SLC20A2: variants seen among roughly 807,000 people sequenced by gnomAD.
SLC20A2 encodes sodium-dependent phosphate transporter 2.
A neutral mutation model predicts 61.0 loss-of-function variants in SLC20A2; 30 were observed. That is an observed-to-expected ratio of 0.49 (90% CI 0.37 to 0.67). The LOEUF (loss-of-function observed/expected upper bound fraction) is 0.67. SLC20A2 is among the 30% of genes least tolerant of loss of function. SLC20A2 has a pLI of 0.00. For synonymous variants in SLC20A2, 351 were observed against 353.3 expected (o/e 0.99, Z 0.07); for missense variants, 626 against 866.4 (o/e 0.72, Z 3.48).
At chr8:42,520,327 C>G (rs1811570623) in intron 1 of SLC20A2, among the ~76,000 whole-genome samples, 1 of 151,476 alleles carries the variant, frequency 6.6e-6, no homozygotes, top group Non-Finnish European at 1.5e-5. Flanking sequence ...TTATGCCCAT[C>G]TTTATAAGTA....
At chr8:42,479,694 G>A (rs1014504163) in intron 1 of SLC20A2, among the ~76,000 whole-genome samples, 2 of 152,022 alleles carry the variant, frequency 1.3e-5, no homozygotes, top group African/African-American at 2.4e-5. Context: ...GCATGGCAGT[G>A]TGCATCTGTA....
chr8:42,431,717 G>A (rs899796216), intron 8 of SLC20A2, among the ~76,000 whole-genome samples: 1 of 152,184 alleles, frequency 6.6e-6, no homozygotes, highest in African/African-American at 2.4e-5. Context: ...AATGCAGCTG[G>A]TAACTTTAGT....
rs538403050 is a variant in SLC20A2 at position 42,541,662 on chromosome 8, G to A, written c.-265+159C>T. ...CCCGACTCCGGGGTAAAGAGCCCCGGAGCGGAGCAGCGCTGGCCGCGTGCC... is the reference window on the plus strand; with the variant it reads ...CCCGACTCCGGGGTAAAGAGCCCCGAAGCGGAGCAGCGCTGGCCGCGTGCC... On this transcript the variant is annotated intron_variant, in intron 1 of 10. Coordinates refer to the SLC20A2 transcript ENST00000342228. 2.0e-5 allele frequency: 3 copies of A among 150,004 alleles called. No individual in the cohort carries two copies. In the East Asian group the frequency reaches 5.9e-4, roughly 29 times the overall value. 9.3% of individuals were successfully genotyped at this position (150,004 alleles called of 1,614,324 possible).
At chr8:42,450,254 G>A (rs1297915761) in intron 5 of SLC20A2, among the ~76,000 whole-genome samples, 1 of 150,410 alleles carries the variant, frequency 6.6e-6, no homozygotes, top group Non-Finnish European at 1.5e-5. Context: ...TTGAGACTGA[G>A]TCTTACTGTA....
At chr8:42,459,266 A>T (rs1806513199) in intron 5 of SLC20A2, among the ~76,000 whole-genome samples, 1 of 151,782 alleles carries the variant, frequency 6.6e-6, no homozygotes, top group Admixed American at 6.6e-5. Flanking sequence ...AAAACATAAA[A>T]AATAACAACA....
At chr8:42,486,140 C>CTGTGTGTG (rs59925363) in intron 1 of SLC20A2, among the ~76,000 whole-genome samples, 2,935 of 149,002 alleles carry the variant, frequency 0.02, 86 homozygotes, top group African/African-American at 0.066. Flanking sequence ...AGCTCTCTCA[C>CTGTGTGTG]TGTGTGTGTG....
At chr8:42,463,263 T>C in intron 3 of SLC20A2, 173 bp from the exon 4 acceptor site, 1 of 496,022 alleles carries the variant, frequency 2.0e-6, no homozygotes, top group Non-Finnish European at 3.5e-6. Context: ...GAGCTGACCT[T>C]CACACATTTA....
chr8:42,469,541 C>T (rs893038698), intron 2 of SLC20A2, among the ~76,000 whole-genome samples: 8 of 152,196 alleles, frequency 5.3e-5, no homozygotes, highest in East Asian at 1.9e-4. Flanking sequence ...TTCTGTCACA[C>T]GGAGGTCTTC....
Position 42,471,255 on chromosome 8 carries a change from G to A in SLC20A2, c.289+847C>T, listed in dbSNP as rs78814412. The A allele has an allele frequency of 4.6e-4, 208 of 455,962 alleles. No homozygotes were observed. The East Asian group carries it at 6.6e-3, about 14-fold the overall frequency. 28.2% of individuals were successfully genotyped at this position (455,962 alleles called of 1,614,324 possible). A position where few individuals can be genotyped will look rare whatever the true frequency, so the allele number is the denominator to read the frequency against. Reference sequence around the variant, plus strand: ...CAGCTGCACTTAACACACGCCTGCCGGGAAGGTTCTTTTCTGTCGTAGCGA... The same window carrying A: ...CAGCTGCACTTAACACACGCCTGCCAGGAAGGTTCTTTTCTGTCGTAGCGA... On this transcript the variant is annotated intron_variant, in intron 2 of 10. Transcript: ENST00000520262.
rs949813850 is a variant in SLC20A2, at chr8:42,529,137, G to C, written c.-265+12684C>G. On this transcript the variant is annotated intron_variant, in intron 1 of 10. Coordinates refer to the SLC20A2 transcript ENST00000342228. The stretch of plus-strand genomic sequence containing the variant: ...CTACAGGCACATGCCACCACACCCA[G>C]CTAATTTTTTTCAAAGAGATGGAGT... Among the ~76,000 whole-genome samples, 4 of 152,062 alleles carry C rather than the reference G, an allele frequency of 2.6e-5. No individual in the cohort carries two copies. In the East Asian group the frequency reaches 7.8e-4, roughly 29 times the overall value.
chr8:42,455,997 AAGTATTTATATT>A (rs1312720754), intron 5 of SLC20A2, among the ~76,000 whole-genome samples: 8 of 152,158 alleles, frequency 5.3e-5, no homozygotes, highest in African/African-American at 7.2e-5. Flanking sequence ...CAACCCTATG[AAGTATTTATATT>A]AGTATTTATA....
At chr8:42,438,077 A>AAC (rs1804473909) in intron 7 of SLC20A2, among the ~76,000 whole-genome samples, 3 of 143,560 alleles carry the variant, frequency 2.1e-5, no homozygotes, top group African/African-American at 7.8e-5. Context: ...AAAAAAAAAA[A>AAC]AAAAAAAAAA....
Position 42,430,312 on chromosome 8 carries a change from G to A in SLC20A2, c.1524-63C>T, listed in dbSNP as rs372121072. On this transcript the variant is annotated intron_variant, in intron 8 of 10. Transcript: ENST00000520262. The stretch of plus-strand genomic sequence containing the variant: ...GCAAGCGGCAATGTACATGATACAG[G>A]TGACTTTGTTTTATTGTGCTTCACT... 295 of 1,393,528 alleles carry A rather than the reference G, an allele frequency of 2.1e-4. 1 individual carries two copies. In the Middle Eastern group the frequency reaches 3.0e-3, roughly 14 times the overall value. The allele number at this position is 1,393,528 out of a possible 1,614,324, so 86.3% of individuals were successfully genotyped here. A position where few individuals can be genotyped will look rare whatever the true frequency, so the allele number is the denominator to read the frequency against.
intron 5 of SLC20A2, among the ~76,000 whole-genome samples, chr8:42,457,483 CTT>C (rs35136224): frequency 6.3e-5 from 9 of 143,430 alleles, no homozygotes; most frequent in Non-Finnish European, 9.2e-5. Context: ...AGTATTTAAA[CTT>C]TTTTTTTTTT....
chr8:42,434,600 G>A (rs1002993810), intron 8 of SLC20A2, among the ~76,000 whole-genome samples: 1 of 152,144 alleles, frequency 6.6e-6, no homozygotes, highest in African/African-American at 2.4e-5. Flanking sequence ...AGAGACACCC[G>A]CCCCTGGCTC....
intron 1 of SLC20A2, among the ~76,000 whole-genome samples, chr8:42,509,226 G>A (rs943875122): frequency 6.6e-6 from 1 of 152,164 alleles, no homozygotes. Flanking sequence ...AACAGTACCT[G>A]GTATGTAGAA....
chr8:42,538,568 T>C (rs910596271), intron 1 of SLC20A2, among the ~76,000 whole-genome samples: 3 of 152,240 alleles, frequency 2.0e-5, no homozygotes, highest in South Asian at 2.1e-4. Context: ...CCAGGGAAAG[T>C]GCTCATTCTA....
chr8:42,507,419 T>TA (rs1280397683), intron 1 of SLC20A2, among the ~76,000 whole-genome samples: 3 of 152,222 alleles, frequency 2.0e-5, no homozygotes, highest in African/African-American at 4.8e-5. Context: ...GACAGTTCTT[T>TA]AAAAAACCTT....
rs185554713 is a variant in SLC20A2, at chr8:42,460,747, T to A, written c.517-755A>T. On this transcript the variant is annotated intron_variant, in intron 4 of 10. Transcript: ENST00000520262. ...ATAACATCTAAGAGAATATGAGGCA[T>A]TTAGAGTTTTTAGCAGATCTACAGA... Among the ~76,000 whole-genome samples, 405 of 152,206 alleles carry A rather than the reference T, an allele frequency of 2.7e-3. 1 individual carries two copies. The highest frequency in any genetic ancestry group is 9.4e-3 in the African/African-American group (390 of 41,526).
Sources: gnomAD v4.1 joint callset for allele counts (sites outside exome capture counted in the v4.1 genomes callset) on GRCh38, gnomAD v4.1.1 for gene constraint, MANE v1.5 for transcripts, NCBI Gene and HGNC (gene_info 2026-07-23, HGNC 2026-07-21) for gene names.